Variants in CA10 observed in about 807,000 individuals in gnomAD.
The protein encoded by CA10 is carbonic anhydrase-related protein 10.
A neutral mutation model predicts 44.2 loss-of-function variants in CA10; 14 were observed. The ratio of observed to expected loss-of-function variants is 0.32; its 90% CI spans 0.21 to 0.50. CA10 has a LOEUF of 0.50. CA10 is among the 20% of genes least tolerant of loss of function. CA10 has a pLI of 0.99. For synonymous variants in CA10, 159 were observed against 141.6 expected (o/e 1.12, Z -0.87); for missense variants, 350 against 409.7 (o/e 0.85, Z 1.26).
At chr17:51,856,602 A>T (rs778537497) in intron 3 of CA10, among the ~76,000 whole-genome samples, 2 of 152,198 alleles carry the variant, frequency 1.3e-5, no homozygotes, top group Non-Finnish European at 2.9e-5. Flanking sequence ...TTACTTATTT[A>T]TTTGGTCCAC....
At chr17:51,818,705 C>T (rs1907660111) in intron 3 of CA10, among the ~76,000 whole-genome samples, 1 of 152,176 alleles carries the variant, frequency 6.6e-6, no homozygotes, top group Non-Finnish European at 1.5e-5. Context: ...ATTAAATTCA[C>T]CAGCTTTGGC....
At chr17:51,986,662 G>A (rs1984846948) in intron 2 of CA10, among the ~76,000 whole-genome samples, 1 of 151,660 alleles carries the variant, frequency 6.6e-6, no homozygotes, top group Admixed American at 6.6e-5. Context: ...AAATTAGCAA[G>A]AAAAAAACAA....
rs139252240 is a variant in CA10 at position 51,739,995 on chromosome 17, G to A, written c.465+7638C>T. On this transcript the variant is annotated intron_variant, in intron 4 of 8. Transcript: ENST00000451037. ...TTCCATTATTTCTCCCAGGTACTCC[G>A]AATTTACTTACCTTGTATTTGTGAA... Among the ~76,000 whole-genome samples the A allele has an allele frequency of 6.7e-3, 1,018 of 151,948 alleles. 6 individuals are homozygous for A. Among genetic ancestry groups the A allele is most frequent in the African/African-American group, 0.022 (909 of 41,494 alleles).
intron 3 of CA10, among the ~76,000 whole-genome samples, chr17:51,868,535 AC>A (rs1207126937): frequency 6.6e-6 from 1 of 152,054 alleles, no homozygotes; most frequent in Admixed American, 6.6e-5. Flanking sequence ...CCCAATCTCC[AC>A]CTGACTTTTG....
intron 1 of CA10, among the ~76,000 whole-genome samples, chr17:52,076,385 A>C (rs1191401268): frequency 2.0e-5 from 3 of 152,192 alleles, no homozygotes; most frequent in African/African-American, 7.2e-5. Flanking sequence ...AAGCAGAACT[A>C]TGTAAGATTT....
At chr17:51,689,694 C>T (rs1915122054) in intron 4 of CA10, among the ~76,000 whole-genome samples, 2 of 152,142 alleles carry the variant, frequency 1.3e-5, no homozygotes, top group South Asian at 4.1e-4. Flanking sequence ...TGAGCTGTCC[C>T]CAGCCTCCAT....
At chr17:52,012,928 AG>A (rs1347289227) in intron 2 of CA10, among the ~76,000 whole-genome samples, 2 of 151,978 alleles carry the variant, frequency 1.3e-5, no homozygotes, top group African/African-American at 2.4e-5. Flanking sequence ...ATAGGGAGTT[AG>A]GAAAACTATT....
At chr17:51,977,260 C>G (rs1984495415) in intron 2 of CA10, among the ~76,000 whole-genome samples, 1 of 151,838 alleles carries the variant, frequency 6.6e-6, no homozygotes, top group Non-Finnish European at 1.5e-5. Context: ...ACCAATACCT[C>G]TCATGAACCC....
chr17:51,952,554 C>CA lies in CA10; in HGVS notation c.137-21423dup, dbSNP rs5820888. 5.7e-3 allele frequency among the ~76,000 whole-genome samples: 847 copies of CA among 148,494 alleles called. 5 individuals carry two copies. Among genetic ancestry groups the CA allele is most frequent in the African/African-American group, 0.02 (807 of 40,508 alleles). Reference sequence around the variant, plus strand: ...TGGGTGACAGAGAGGGACCCTGTCTCAAAAAAAAAAAATTAAAACTAAAAG... The same window carrying CA: ...TGGGTGACAGAGAGGGACCCTGTCTCAAAAAAAAAAAAATTAAAACTAAAAG... On this transcript the variant is annotated intron_variant, in intron 2 of 8. Coordinates refer to ENST00000451037, the MANE Select transcript of CA10 (RefSeq NM_020178.5).
intron 2 of CA10, among the ~76,000 whole-genome samples, chr17:52,000,924 T>C (rs1487093324): frequency 1.3e-5 from 2 of 151,130 alleles, no homozygotes; most frequent in Admixed American, 6.6e-5. Context: ...GGGGTGGGTA[T>C]AGTGTTCTAA....
At chr17:51,852,802 C>T (rs1443783155) in intron 3 of CA10, among the ~76,000 whole-genome samples, 1 of 152,174 alleles carries the variant, frequency 6.6e-6, no homozygotes, top group East Asian at 1.9e-4. Context: ...GCACCTGAGT[C>T]TCTCAGCACA....
At chr17:52,133,215 C>G (rs1470959837) in intron 1 of CA10, among the ~76,000 whole-genome samples, 2 of 152,296 alleles carry the variant, frequency 1.3e-5, no homozygotes, top group East Asian at 3.9e-4. Flanking sequence ...CCATTCATCA[C>G]AGCCCATGGT....
At chr17:51,977,429 T>G (rs1457102918) in intron 2 of CA10, among the ~76,000 whole-genome samples, 2 of 151,888 alleles carry the variant, frequency 1.3e-5, no homozygotes, top group Non-Finnish European at 2.9e-5. Context: ...ATTAAAATAT[T>G]AAAGAAAAAA....
chr17:51,804,116 ATATT>A (rs1458836050), intron 3 of CA10, among the ~76,000 whole-genome samples: 1 of 152,240 alleles, frequency 6.6e-6, no homozygotes, highest in Non-Finnish European at 1.5e-5. Context: ...TGCCTGGCAC[ATATT>A]TAAATGGTAA....
At chr17:52,015,107 T>A (rs1044789670) in intron 2 of CA10, among the ~76,000 whole-genome samples, 2 of 152,084 alleles carry the variant, frequency 1.3e-5, no homozygotes, top group African/African-American at 4.8e-5. Context: ...TGTACTAACG[T>A]CAGTGTAGTG....
intron 4 of CA10, among the ~76,000 whole-genome samples, chr17:51,717,481 T>G (rs1298605648): frequency 6.9e-6 from 1 of 144,980 alleles, no homozygotes; most frequent in African/African-American, 2.6e-5. Context: ...CGCAAAATCG[T>G]GGAACCAACC....
chr17:51,926,148 G>A (rs777303048), intron 3 of CA10, among the ~76,000 whole-genome samples: 10 of 152,106 alleles, frequency 6.6e-5, no homozygotes, highest in Admixed American at 5.2e-4. Context: ...AAGAACTATC[G>A]GTAGTTAAGA....
intron 3 of CA10, among the ~76,000 whole-genome samples, chr17:51,834,527 C>A (rs1464077296): frequency 6.6e-6 from 1 of 152,220 alleles, no homozygotes; most frequent in Non-Finnish European, 1.5e-5. Flanking sequence ...TCCACTTTCT[C>A]TTTAACTGCA....
intron 1 of CA10, among the ~76,000 whole-genome samples, chr17:52,093,025 T>C (rs550841695): frequency 6.6e-6 from 1 of 152,296 alleles, no homozygotes; most frequent in Non-Finnish European, 1.5e-5. Context: ...TGTTTTATCA[T>C]GTTGACGAGA....
Sources: gnomAD v4.1 joint callset for allele counts (sites outside exome capture counted in the v4.1 genomes callset) on GRCh38, gnomAD v4.1.1 for gene constraint, MANE v1.5 for transcripts, NCBI Gene and HGNC (gene_info 2026-07-23, HGNC 2026-07-21) for gene names.